ME1: variants seen among roughly 807,000 people sequenced by gnomAD.
ME1 encodes the protein NADP-dependent malic enzyme.
A neutral mutation model predicts 66.4 loss-of-function variants in ME1; 74 were observed. The ratio of observed to expected loss-of-function variants is 1.11; its 90% confidence interval spans 0.92 to 1.35. ME1 has a LOEUF of 1.35. Ranked by LOEUF, ME1 falls within the 40% of genes most tolerant of loss-of-function variation. The pLI is 0.00. For synonymous variants in ME1, 251 were observed against 235.6 expected (o/e 1.07, Z -0.60); for missense variants, 750 against 694.1 (o/e 1.08, Z -0.90).
At chr6:83,328,991 C>G (rs1421621284) in intron 5 of ME1, among the ~76,000 whole-genome samples, 1 of 151,940 alleles carries the variant, frequency 6.6e-6, no homozygotes, top group Non-Finnish European at 1.5e-5. Flanking sequence ...AATTCTGCAC[C>G]CTTCAGAATT....
At chr6:83,365,323 A>AG (rs1300632544) in intron 3 of ME1, among the ~76,000 whole-genome samples, 2 of 152,078 alleles carry the variant, frequency 1.3e-5, no homozygotes, top group Non-Finnish European at 1.5e-5. Context: ...TGAACTCCTG[A>AG]GCTCAGGTGA....
At chr6:83,427,503 T>G (rs1387079246) in intron 1 of ME1, among the ~76,000 whole-genome samples, 2 of 152,186 alleles carry the variant, frequency 1.3e-5, no homozygotes, top group African/African-American at 2.4e-5. Flanking sequence ...GGAAGTGAAC[T>G]AAACTTTAGA....
At chr6:83,343,774 T>C (rs1768633753) in intron 5 of ME1, among the ~76,000 whole-genome samples, 1 of 152,094 alleles carries the variant, frequency 6.6e-6, no homozygotes, top group Non-Finnish European at 1.5e-5. Context: ...GAAAGAAACA[T>C]ACACTAAACA....
At chr6:83,399,314 T>C (rs1046688654) in intron 2 of ME1, among the ~76,000 whole-genome samples, 1 of 152,098 alleles carries the variant, frequency 6.6e-6, no homozygotes, top group Non-Finnish European at 1.5e-5. Context: ...CTCTTAAATA[T>C]TGCAAAGAAT....
intron 3 of ME1, among the ~76,000 whole-genome samples, chr6:83,369,988 G>A (rs61402217): frequency 0.051 from 7,754 of 152,002 alleles, 370 homozygotes; most frequent in East Asian, 0.16. Flanking sequence ...AGGATGCAGC[G>A]GAGAAGATAT....
intron 3 of ME1, among the ~76,000 whole-genome samples, chr6:83,381,855 C>T (rs1291921553): frequency 6.6e-6 from 1 of 152,090 alleles, no homozygotes; most frequent in African/African-American, 2.4e-5. Flanking sequence ...TAGTTAGATG[C>T]TGTCTACTTT....
chr6:83,310,731 T>C (rs1767913812), intron 6 of ME1, among the ~76,000 whole-genome samples: 1 of 152,012 alleles, frequency 6.6e-6, no homozygotes. Flanking sequence ...GTAGAGTAAC[T>C]ATAAGGACAA....
At chr6:83,250,319 A>C (rs1790700511) in intron 7 of ME1, among the ~76,000 whole-genome samples, 1 of 152,048 alleles carries the variant, frequency 6.6e-6, no homozygotes, top group African/African-American at 2.4e-5. Flanking sequence ...GTTTTCCTCA[A>C]ACTTCTGATC....
At chr6:83,294,625 C>T (rs1431991504) in intron 6 of ME1, among the ~76,000 whole-genome samples, 1 of 152,144 alleles carries the variant, frequency 6.6e-6, no homozygotes, top group East Asian at 1.9e-4. Flanking sequence ...GCCCTTCTGC[C>T]ACTGCCTCTG....
At chr6:83,280,748 T>C (rs1479261692) in intron 6 of ME1, among the ~76,000 whole-genome samples, 1 of 152,208 alleles carries the variant, frequency 6.6e-6, no homozygotes, top group Non-Finnish European at 1.5e-5. Flanking sequence ...GTCAGAATTT[T>C]ATAGCCTGTG....
intron 3 of ME1, among the ~76,000 whole-genome samples, chr6:83,397,011 A>G (rs1382543019): frequency 2.0e-5 from 3 of 152,212 alleles, no homozygotes; most frequent in Non-Finnish European, 4.4e-5. Flanking sequence ...GAAAAATGTA[A>G]GACTTGAAAC....
At chr6:83,243,673 C>T (rs13211113) in intron 7 of ME1, among the ~76,000 whole-genome samples, 48,298 of 99,618 alleles carry the variant, frequency 0.48, 14,386 homozygotes, top group African/African-American at 0.76. Context: ...TACATTATAT[C>T]GATATAATCT....
intron 1 of ME1, among the ~76,000 whole-genome samples, chr6:83,428,400 G>A (rs1201802598): frequency 6.6e-6 from 1 of 152,124 alleles, no homozygotes; most frequent in Admixed American, 6.5e-5. Flanking sequence ...ATATATATAT[G>A]TAGAATGAAC....
At chr6:83,390,176 T>C (rs1769594697) in intron 3 of ME1, among the ~76,000 whole-genome samples, 1 of 152,178 alleles carries the variant, frequency 6.6e-6, no homozygotes, top group Non-Finnish European at 1.5e-5. Context: ...TATCACAGCA[T>C]TAAGATACAT....
intron 6 of ME1, among the ~76,000 whole-genome samples, chr6:83,279,247 A>G (rs906554972): frequency 6.6e-6 from 1 of 152,238 alleles, no homozygotes; most frequent in Admixed American, 6.5e-5. Flanking sequence ...TATCTCCCTA[A>G]GTTCCTTTTA....
chr6:83,352,143 C>CAA lies in ME1; in HGVS notation c.363-5_363-4insTT, dbSNP rs776664790. The CAA allele has an allele frequency of 1.2e-5, 12 of 1,009,588 alleles. No individual in the cohort carries two copies. The highest frequency in any genetic ancestry group is 8.3e-5 in the Admixed American group (2 of 23,976). 62.5% of individuals were successfully genotyped at this position (1,009,588 alleles called of 1,614,324 possible). On this transcript the variant is annotated splice_region_variant and splice_polypyrimidine_tract_variant and intron_variant, in intron 3 of 13. Transcript: ENST00000369705. ...GTGGATAGTAATAAAGAGACCTCTG[C>CAA]AGAAAAAAAAAAAAAAAAAGGAGTA...
At chr6:83,387,274 A>G (rs1252122432) in intron 3 of ME1, among the ~76,000 whole-genome samples, 1 of 152,208 alleles carries the variant, frequency 6.6e-6, no homozygotes, top group Non-Finnish European at 1.5e-5. Flanking sequence ...AAGTTTCATT[A>G]TATTAACCTC....
chr6:83,381,526 A>T (rs1232406562), intron 3 of ME1, among the ~76,000 whole-genome samples: 3 of 151,712 alleles, frequency 2.0e-5, no homozygotes, highest in African/African-American at 7.3e-5. Context: ...CAGCTGATGT[A>T]TTTAGAGTCT....
intron 12 of ME1, among the ~76,000 whole-genome samples, chr6:83,216,934 A>G (rs1156663437): frequency 1.3e-5 from 2 of 152,220 alleles, no homozygotes; most frequent in African/African-American, 4.8e-5. Flanking sequence ...GAGGAAGATG[A>G]TAGAGTAATG....
Sources: allele counts gnomAD v4.1 joint callset (sites outside exome capture counted in the v4.1 genomes callset), GRCh38; gene constraint gnomAD v4.1.1; transcripts MANE v1.5; gene names NCBI Gene and HGNC (gene_info 2026-07-23, HGNC 2026-07-21).